The following PDGFC variants were observed in gnomAD, a reference collection of about 807,000 sequenced individuals.
The protein encoded by PDGFC is platelet-derived growth factor C.
A neutral mutation model predicts 35.5 loss-of-function variants in PDGFC; 12 were observed. That is an observed-to-expected ratio of 0.34 (90% CI 0.22 to 0.55). The LOEUF (loss-of-function observed/expected upper bound fraction) is 0.55, where lower values mean the gene tolerates loss of function less well. Among genes scored for constraint, PDGFC ranks in the 20% least tolerant of loss-of-function variants. The pLI, the probability that PDGFC is intolerant of heterozygous loss-of-function variation, is 0.91. For missense variants in PDGFC, 322 were observed against 412.4 expected (o/e 0.78, Z 1.90); for synonymous variants, 159 against 148.8 (o/e 1.07, Z -0.50).
At chr4:156,966,931 T>C (rs1243166087) in intron 1 of PDGFC, among the ~76,000 whole-genome samples, 1 of 152,104 alleles carries the variant, frequency 6.6e-6, no homozygotes, top group Non-Finnish European at 1.5e-5. Flanking sequence ...AATCACCTAC[T>C]GTGAAAAGAC....
chr4:156,899,068 C>A (rs1051022260), intron 1 of PDGFC, among the ~76,000 whole-genome samples: 2 of 152,186 alleles, frequency 1.3e-5, no homozygotes, highest in Non-Finnish European at 2.9e-5. Flanking sequence ...ATAATTAAAA[C>A]AAAACAAAAC....
intron 1 of PDGFC, among the ~76,000 whole-genome samples, chr4:156,969,977 C>T (rs1372571982): frequency 6.6e-6 from 1 of 152,172 alleles, no homozygotes; most frequent in African/African-American, 2.4e-5. Context: ...GGTTCAGAGG[C>T]TAAGCAAATT....
intron 1 of PDGFC, among the ~76,000 whole-genome samples, chr4:156,944,273 T>C (rs1731883342): frequency 6.6e-6 from 1 of 152,128 alleles, no homozygotes; most frequent in Admixed American, 6.6e-5. Flanking sequence ...GCATGTCTAG[T>C]AGATGGTAAA....
rs375860614 is a variant in PDGFC at position 156,958,499 on chromosome 4, A to C, written c.118+12287T>G. Among the ~76,000 whole-genome samples, 7 of 152,168 alleles carry C rather than the reference A, an allele frequency of 4.6e-5. No individual in the cohort carries two copies. In the East Asian group the frequency reaches 1.4e-3, roughly 30 times the overall value. ...ATGCCATCAGTTTTCAAAACTTAGA[A>C]AGGCTCATTGATTTTTACTAAGGAT... is the stretch of plus-strand genomic sequence containing the variant. On this transcript the variant is annotated intron_variant, in intron 1 of 5. Coordinates refer to ENST00000502773, the MANE Select transcript of PDGFC (RefSeq NM_016205.3).
Position 156,772,829 on chromosome 4 carries a change from T to C in PDGFC, c.560A>G (p.Asn187Ser), listed in dbSNP as rs749512195. The part of the protein sequence containing the change: ...PPSALPLDLL[N>S]NAITAFSTLE... ...GGTACTAAAGGCAGTTATAGCATTA[T>C]TAAGCAGGTCCAGTGGCAAAGCTGA... The change falls in exon 4 of 6, where the codon AAT becomes AGT. Residue 187 changes from asparagine to serine, a missense_variant. Transcript: ENST00000502773. 1.3e-5 allele frequency: 21 copies of C among 1,613,288 alleles called. No homozygotes were observed. The highest frequency in any genetic ancestry group is 1.5e-5 in the Non-Finnish European group (18 of 1,179,416).
intron 2 of PDGFC, chr4:156,842,205 T>C (rs1026261555): frequency 3.3e-5 from 5 of 152,188 alleles, no homozygotes; most frequent in African/African-American, 1.2e-4. Context: ...GCTTGTGCTC[T>C]GGGGCAAAAG....
intron 2 of PDGFC, among the ~76,000 whole-genome samples, chr4:156,826,840 A>C (rs1728768926): frequency 6.6e-6 from 1 of 152,200 alleles, no homozygotes; most frequent in Admixed American, 6.5e-5. Flanking sequence ...CTTCATTTAT[A>C]TATACAAATT....
chr4:156,906,556 G>T (rs1730919585), intron 1 of PDGFC, among the ~76,000 whole-genome samples: 1 of 152,080 alleles, frequency 6.6e-6, no homozygotes, highest in Non-Finnish European at 1.5e-5. Flanking sequence ...TCACTACATT[G>T]TAATTAAGAA....
intron 1 of PDGFC, among the ~76,000 whole-genome samples, chr4:156,921,630 C>A (rs1731283871): frequency 6.6e-6 from 1 of 152,110 alleles, no homozygotes; most frequent in Admixed American, 6.6e-5. Flanking sequence ...TTCAGTATGA[C>A]ACCTTTACAA....
At chr4:156,907,636 C>T (rs988374134) in intron 1 of PDGFC, among the ~76,000 whole-genome samples, 1 of 152,116 alleles carries the variant, frequency 6.6e-6, no homozygotes, top group African/African-American at 2.4e-5. Context: ...GTGGGTGGAG[C>T]TCTTGCCAGG....
At chr4:156,824,385 CACACACATAT>C (rs1348642430) in intron 2 of PDGFC, among the ~76,000 whole-genome samples, 1 of 133,894 alleles carries the variant, frequency 7.5e-6, no homozygotes, top group African/African-American at 3.8e-5. Flanking sequence ...TACATACATA[CACACACATAT>C]ATATACACAC....
chr4:156,935,969 GA>G (rs972486700), intron 1 of PDGFC, among the ~76,000 whole-genome samples: 13 of 152,070 alleles, frequency 8.5e-5, no homozygotes, highest in Non-Finnish European at 1.6e-4. Flanking sequence ...GACAGGGGAG[GA>G]AAAAACCTGA....
chr4:156,916,690 C>A (rs1338857262), intron 1 of PDGFC, among the ~76,000 whole-genome samples: 3 of 152,196 alleles, frequency 2.0e-5, no homozygotes, highest in Non-Finnish European at 4.4e-5. Context: ...GCAGAACTTG[C>A]TACTCTCTCT....
intron 5 of PDGFC, among the ~76,000 whole-genome samples, chr4:156,765,962 C>T (rs1303110497): frequency 1.3e-5 from 2 of 152,058 alleles, no homozygotes; most frequent in Non-Finnish European, 2.9e-5. Flanking sequence ...TGGAGACTCA[C>T]CTTATAGATG....
intron 3 of PDGFC, among the ~76,000 whole-genome samples, chr4:156,798,166 T>C (rs1174936722): frequency 2.0e-5 from 3 of 152,130 alleles, no homozygotes; most frequent in Non-Finnish European, 2.9e-5. Flanking sequence ...CACTCCAGCT[T>C]GGGCGACAGA....
At chr4:156,857,190 G>A (rs1013322904) in intron 1 of PDGFC, among the ~76,000 whole-genome samples, 1 of 151,448 alleles carries the variant, frequency 6.6e-6, no homozygotes, top group African/African-American at 2.4e-5. Context: ...GAAGAACACT[G>A]GCCATCATAT....
chr4:156,816,286 A>T (rs1462127737), intron 2 of PDGFC, among the ~76,000 whole-genome samples: 1 of 152,182 alleles, frequency 6.6e-6, no homozygotes, highest in Non-Finnish European at 1.5e-5. Context: ...TAGCCCTGCA[A>T]ATGTCAACTG....
intron 2 of PDGFC, among the ~76,000 whole-genome samples, chr4:156,847,324 A>C (rs1729350089): frequency 6.6e-6 from 1 of 151,786 alleles, no homozygotes; most frequent in Non-Finnish European, 1.5e-5. Context: ...TGATATGATA[A>C]GGGCATATCA....
chr4:156,804,578 A>C (rs1731706742), intron 3 of PDGFC, among the ~76,000 whole-genome samples: 1 of 151,882 alleles, frequency 6.6e-6, no homozygotes, highest in African/African-American at 2.4e-5. Flanking sequence ...CATGACACTC[A>C]CATACTGCAT....
Sources: gnomAD v4.1 joint callset for allele counts (sites outside exome capture counted in the v4.1 genomes callset) on GRCh38, gnomAD v4.1.1 for gene constraint, MANE v1.5 for transcripts, NCBI Gene and HGNC (gene_info 2026-07-23, HGNC 2026-07-21) for gene names.